The following EHMT1 variants were observed in gnomAD, a reference collection of about 807,000 sequenced individuals.
EHMT1 encodes the protein euchromatic histone lysine methyltransferase 1.
In EHMT1, 15 loss-of-function variants were observed where a neutral mutation model predicts 147.2. The observed-to-expected ratio is 0.10, with a 90% CI of 0.07 to 0.16. The LOEUF is 0.16. EHMT1 is among the 10% of genes least tolerant of loss of function. The probability of loss-of-function intolerance (pLI) is 1.00; values close to 1 mark genes in which losing one functional copy is unlikely to be tolerated. For synonymous variants in EHMT1, 795 were observed against 709.6 expected, an observed-to-expected ratio of 1.12 and a Z score of -1.91; for missense variants, 1,587 against 1,772.4, an observed-to-expected ratio of 0.90 and a Z score of 1.88.
intron 8 of EHMT1, among the ~76,000 whole-genome samples, chr9:137,756,558 G>A (rs1276668619): frequency 6.6e-6 from 1 of 152,202 alleles, no homozygotes; most frequent in Non-Finnish European, 1.5e-5. Flanking sequence ...GGTGGAGGAC[G>A]TGTGAGCCCC....
At chr9:137,690,106 G>C (rs1323451066) in intron 1 of EHMT1, among the ~76,000 whole-genome samples, 1 of 152,190 alleles carries the variant, frequency 6.6e-6, no homozygotes, top group East Asian at 1.9e-4. Flanking sequence ...AAGACCCAAG[G>C]TGACGTGGGG....
intron 2 of EHMT1, among the ~76,000 whole-genome samples, chr9:137,711,284 C>T (rs967356461): frequency 6.6e-6 from 1 of 152,056 alleles, no homozygotes; most frequent in Non-Finnish European, 1.5e-5. Flanking sequence ...TAAAGTACAC[C>T]CAGAAAATTA....
chr9:137,682,346 C>T (rs1321574623), intron 1 of EHMT1, among the ~76,000 whole-genome samples: 2 of 151,998 alleles, frequency 1.3e-5, no homozygotes, highest in African/African-American at 4.8e-5. Context: ...TGTTTTTTCC[C>T]CCCAGTACCA....
chr9:137,664,934 G>T (rs565167469), intron 1 of EHMT1: 10 of 152,314 alleles, frequency 6.6e-5, no homozygotes, highest in African/African-American at 2.4e-4. Context: ...TTTCGGACAT[G>T]GTGTTTTGTT....
chr9:137,818,005 C>G, intron 24 of EHMT1, 55 bp from the exon 25 acceptor site: 1 of 1,558,554 alleles, frequency 6.4e-7, no homozygotes, highest in Non-Finnish European at 8.9e-7. Flanking sequence ...CTGTGCTTGT[C>G]TGTGGGCAGT....
At chr9:137,711,086 C>T in intron 2 of EHMT1, 56 bp downstream of exon 2, 2 of 1,522,112 alleles carry the variant, frequency 1.3e-6, no homozygotes, top group Non-Finnish European at 1.8e-6. Flanking sequence ...GACTAGAAAA[C>T]CTGCTGCTCT....
Position 137,834,453 on chromosome 9 carries a change from C to T in EHMT1, c.3645C>T (p.Ala1215=), listed in dbSNP as rs1956457480. The part of the protein sequence containing the change: ...PNLVPVRVFM[A]HQDLRFPRIA... ...TGGTGCCCGTGCGCGTGTTCATGGC[C>T]CACCAGGACCTGCGGTTCCCCCGGA... The change falls in exon 26 of 27, where the codon GCC becomes GCT. Residue 1215 remains alanine (A), a synonymous_variant. Transcript: ENST00000460843. 2 of 1,613,130 alleles carry T rather than the reference C, an allele frequency of 1.2e-6. No homozygotes were observed. The highest frequency in any genetic ancestry group is 1.7e-6 in the Non-Finnish European group (2 of 1,179,806).
At chr9:137,800,527 T>C (rs1015252672) in intron 17 of EHMT1, 6 of 314,380 alleles carry the variant, frequency 1.9e-5, no homozygotes, top group African/African-American at 1.3e-4. Context: ...CTTACGAAGT[T>C]TCAGCTCCCG....
chr9:137,692,241 TTTTTC>T (rs1457032540), intron 1 of EHMT1, among the ~76,000 whole-genome samples: 1 of 151,088 alleles, frequency 6.6e-6, no homozygotes, highest in East Asian at 1.9e-4. Context: ...GTTTTTCTTT[TTTTTC>T]TTTTCTTTCT....
intron 18 of EHMT1, chr9:137,803,153 C>T: frequency 8.2e-7 from 1 of 1,226,608 alleles, no homozygotes; most frequent in Non-Finnish European, 1.0e-6. Context: ...GTGGCTGTTC[C>T]CCCAGAATGG....
intron 1 of EHMT1, among the ~76,000 whole-genome samples, chr9:137,683,199 A>G (rs1246353839): frequency 6.6e-6 from 1 of 152,258 alleles, no homozygotes; most frequent in Non-Finnish European, 1.5e-5. Flanking sequence ...ATACAAGCTC[A>G]GAGACAGAAT....
chr9:137,734,907 A>C (rs1470289684), intron 4 of EHMT1, among the ~76,000 whole-genome samples: 1 of 152,224 alleles, frequency 6.6e-6, no homozygotes, highest in Non-Finnish European at 1.5e-5. Context: ...AGCTGAGGGA[A>C]TTTGTTACCA....
At chr9:137,701,901 C>T (rs1322286256) in intron 1 of EHMT1, among the ~76,000 whole-genome samples, 1 of 151,882 alleles carries the variant, frequency 6.6e-6, no homozygotes, top group South Asian at 2.1e-4. Flanking sequence ...TCAAGTGATT[C>T]TCCTGCCTGA....
At chr9:137,687,916 C>T (rs1236529924) in intron 1 of EHMT1, among the ~76,000 whole-genome samples, 3 of 152,062 alleles carry the variant, frequency 2.0e-5, no homozygotes, top group East Asian at 3.8e-4. Flanking sequence ...CAACATGGGG[C>T]GTCTTTCTAT....
At chr9:137,747,507 G>T (rs1379436970) in intron 6 of EHMT1, 2 of 152,210 alleles carry the variant, frequency 1.3e-5, no homozygotes, top group African/African-American at 2.4e-5. Context: ...AATAATGATT[G>T]TAAGGAAGTA....
At chr9:137,741,900 C>G (rs1305897400) in intron 4 of EHMT1, among the ~76,000 whole-genome samples, 1 of 152,178 alleles carries the variant, frequency 6.6e-6, no homozygotes, top group Non-Finnish European at 1.5e-5. Flanking sequence ...CTGATTAAAT[C>G]CAGGCCTCCT....
intron 1 of EHMT1, among the ~76,000 whole-genome samples, chr9:137,688,334 C>G (rs188408042): frequency 1.2e-4 from 18 of 152,228 alleles, no homozygotes; most frequent in Admixed American, 1.2e-3. Flanking sequence ...TGGAACTGTT[C>G]TTGAAATTTC....
At chr9:137,712,495 G>A (rs1944835137) in intron 2 of EHMT1, among the ~76,000 whole-genome samples, 1 of 152,146 alleles carries the variant, frequency 6.6e-6, no homozygotes, top group South Asian at 2.1e-4. Flanking sequence ...GGTGGGAAGT[G>A]GCATCTCATT....
intron 15 of EHMT1, chr9:137,788,038 A>AG (rs1480070687): frequency 1.4e-6 from 2 of 1,383,712 alleles, no homozygotes; most frequent in African/African-American, 1.4e-5. Flanking sequence ...AAGAGGGTTG[A>AG]GGGCCTGATG....
Sources: gnomAD v4.1 joint callset for allele counts (sites outside exome capture counted in the v4.1 genomes callset) on GRCh38, gnomAD v4.1.1 for gene constraint, MANE v1.5 for transcripts, NCBI Gene and HGNC (gene_info 2026-07-23, HGNC 2026-07-21) for gene names.